Variants in KALRN observed in about 807,000 individuals in gnomAD.
The protein encoded by KALRN is kalirin.
A neutral mutation model predicts 353.7 loss-of-function variants in KALRN; 70 were observed. The ratio of observed to expected loss-of-function variants is 0.20; its 90% confidence interval spans 0.16 to 0.24. The LOEUF (loss-of-function observed/expected upper bound fraction) is 0.24, where lower values mean the gene tolerates loss of function less well. KALRN is among the 10% of genes least tolerant of loss of function. KALRN has a pLI of 1.00. For missense variants in KALRN, 2,791 were observed against 3,756.7 expected (o/e 0.74, Z 6.72); for synonymous variants, 1,391 against 1,434.8 (o/e 0.97, Z 0.69).
chr3:124,562,787 C>T, intron 33 of KALRN, 56 bp from the exon 34 acceptor site: 1 of 1,267,182 alleles, frequency 7.9e-7, no homozygotes, highest in Non-Finnish European at 1.0e-6. Context: ...TCCCATATTT[C>T]TCCCCCCTTC....
At chr3:124,649,233 G>T (rs570924320) in intron 37 of KALRN, among the ~76,000 whole-genome samples, 70 of 152,176 alleles carry the variant, frequency 4.6e-4, no homozygotes, top group Non-Finnish European at 6.0e-4. Flanking sequence ...ATTAGTTTTT[G>T]ATTTATTTCT....
chr3:124,702,201 T>A (rs914292145), intron 57 of KALRN, 85 bp downstream of exon 57: 23 of 796,134 alleles, frequency 2.9e-5, no homozygotes, highest in Middle Eastern at 2.5e-4. Flanking sequence ...TTGTCATTGT[T>A]TATTTCTTTT....
At chr3:124,594,529 G>A (rs916638361) in intron 34 of KALRN, among the ~76,000 whole-genome samples, 1 of 152,110 alleles carries the variant, frequency 6.6e-6, no homozygotes, top group African/African-American at 2.4e-5. Context: ...CAGCCTTCCA[G>A]GATATTTTCA....
chr3:124,449,635 G>C (rs560681060), intron 21 of KALRN, among the ~76,000 whole-genome samples: 1 of 152,264 alleles, frequency 6.6e-6, no homozygotes, highest in African/African-American at 2.4e-5. Flanking sequence ...CATTGCCACT[G>C]TTTCATTCCA....
At chr3:124,348,920 C>T (rs112644590) in intron 10 of KALRN, among the ~76,000 whole-genome samples, 10 of 152,116 alleles carry the variant, frequency 6.6e-5, no homozygotes, top group Admixed American at 3.3e-4. Flanking sequence ...GGTTTCACCA[C>T]GTTGGCCAGG....
rs1409810757 is a variant in KALRN, at chr3:124,033,522, G to C, written c.-219G>C. On this transcript the variant is annotated 5_prime_UTR_variant, in exon 1 of 60. Transcript: ENST00000682506. The surrounding 1 kb of genome is among the most constrained non-coding windows in gnomAD (Gnocchi z 6.2). Reference sequence around the variant, plus strand: ...GGGAAGGGGTACCATGGGGGAGCTGGCGGCAGGCACCCCCAGCCCGCCGCG... The same window carrying C: ...GGGAAGGGGTACCATGGGGGAGCTGCCGGCAGGCACCCCCAGCCCGCCGCG... Among the ~76,000 whole-genome samples the C allele has an allele frequency of 1.3e-5, 2 of 151,674 alleles. No homozygotes were observed. Among genetic ancestry groups the C allele is most frequent in the Non-Finnish European group, 2.9e-5 (2 of 67,838 alleles).
chr3:124,495,729 T>TAA (rs1170201040), intron 32 of KALRN, among the ~76,000 whole-genome samples: 9,635 of 67,878 alleles, frequency 0.14, 834 homozygotes, highest in Admixed American at 0.19. Flanking sequence ...GACTCCATCT[T>TAA]AAAAAAAAAA....
At chr3:124,618,779 G>A (rs1379283358) in intron 34 of KALRN, among the ~76,000 whole-genome samples, 2 of 152,128 alleles carry the variant, frequency 1.3e-5, no homozygotes, top group Non-Finnish European at 2.9e-5. Context: ...CCAGGAGAAG[G>A]TGCCCACTCC....
At position 124,434,375 on chromosome 3, in the gene KALRN, G is replaced by T; in HGVS notation, c.2898G>T (p.Glu966Asp). The T allele has an allele frequency of 2.5e-6, 4 of 1,613,946 alleles. No individual in the cohort carries two copies. The highest frequency in any genetic ancestry group is 3.4e-6 in the Non-Finnish European group (4 of 1,180,016). ...CCCTGCAGGTACAGCAGAAAGCCGA[G>T]GTGCTGCTCCAGGCCGGCCACTACG... ...QSALQVQQKAEVLLQAGHYDA... is the reference protein window; with the variant it reads ...QSALQVQQKADVLLQAGHYDA... The change falls in exon 17 of 60, where the codon GAG becomes GAT. Residue 966 changes from glutamate to aspartate, a missense_variant. Physicochemically the swap from Glu to Asp is conservative, Grantham distance 45 (BLOSUM62 2). Transcript: ENST00000682506.
chr3:124,506,134 TCTTC>T (rs2065195639), intron 33 of KALRN, among the ~76,000 whole-genome samples: 2 of 152,224 alleles, frequency 1.3e-5, no homozygotes, highest in South Asian at 2.1e-4. Flanking sequence ...CCTCAGGGCT[TCTTC>T]CAGGAGTGGT....
At chr3:124,710,565 C>T (rs573632423) in intron 57 of KALRN, among the ~76,000 whole-genome samples, 5 of 152,154 alleles carry the variant, frequency 3.3e-5, no homozygotes, top group African/African-American at 4.8e-5. Context: ...GTGGGCGGAT[C>T]GCTTTGAGCT....
chr3:124,460,452 A>G (rs1354348636), intron 23 of KALRN, among the ~76,000 whole-genome samples: 2 of 152,202 alleles, frequency 1.3e-5, no homozygotes, highest in Non-Finnish European at 2.9e-5. Context: ...CAAAAGAACA[A>G]TTCTAGAAAA....
chr3:124,519,676 A>G (rs1382223717), intron 33 of KALRN: 17 of 985,288 alleles, frequency 1.7e-5, no homozygotes, highest in African/African-American at 1.7e-5. Flanking sequence ...CGTGCTCTCA[A>G]TGCAAAGTGT....
intron 33 of KALRN, among the ~76,000 whole-genome samples, chr3:124,537,327 C>T (rs2068609861): frequency 6.6e-6 from 1 of 152,210 alleles, no homozygotes. Flanking sequence ...CAGGTGTGAG[C>T]CACCATGCCT....
intron 1 of KALRN, among the ~76,000 whole-genome samples, chr3:124,149,429 C>G (rs2067792328): frequency 6.6e-6 from 1 of 152,208 alleles, no homozygotes; most frequent in Non-Finnish European, 1.5e-5. Flanking sequence ...GCTGTCCTTT[C>G]CTTTGACTGT....
chr3:124,233,757 G>A (rs927306552), intron 2 of KALRN, among the ~76,000 whole-genome samples: 5 of 152,188 alleles, frequency 3.3e-5, no homozygotes, highest in African/African-American at 9.6e-5. Context: ...GGTGAGGTTC[G>A]CACCTCTCCA....
intron 10 of KALRN, 81 bp from the exon 11 acceptor site, chr3:124,384,764 C>G: frequency 7.2e-7 from 1 of 1,395,534 alleles, no homozygotes; most frequent in Non-Finnish European, 9.8e-7. Context: ...CGCCCCTCCG[C>G]TTCAGCTCCG....
chr3:124,645,227 GC>G (rs1182863465), intron 37 of KALRN, among the ~76,000 whole-genome samples: 1 of 150,068 alleles, frequency 6.7e-6, no homozygotes, highest in East Asian at 2.0e-4. Flanking sequence ...CTGGATATTA[GC>G]CCTTTGTCAG....
intron 18 of KALRN, among the ~76,000 whole-genome samples, chr3:124,441,260 C>T (rs1484094906): frequency 2.6e-5 from 4 of 152,158 alleles, no homozygotes; most frequent in Non-Finnish European, 4.4e-5. Flanking sequence ...CCAGTGGTCA[C>T]GTAAGAGGCA....
Sources: gnomAD v4.1 joint callset for allele counts (sites outside exome capture counted in the v4.1 genomes callset) on GRCh38, gnomAD v4.1.1 for gene constraint, Gnocchi (gnomAD v3.1) non-coding constraint, MANE v1.5 for transcripts, NCBI Gene and HGNC (gene_info 2026-07-23, HGNC 2026-07-21) for gene names.